UIMC1: variants seen among roughly 807,000 people sequenced by gnomAD.
UIMC1 encodes BRCA1-A complex subunit RAP80.
In UIMC1, 42 loss-of-function variants were observed where a neutral mutation model predicts 84.9. The observed-to-expected ratio is 0.49, with a 90% confidence interval of 0.39 to 0.64. The LOEUF (loss-of-function observed/expected upper bound fraction) is 0.64. Ranked by LOEUF, UIMC1 falls within the 30% of genes least tolerant of loss-of-function variation. The probability of loss-of-function intolerance (pLI) is 0.00; values close to 1 mark genes in which losing one functional copy is unlikely to be tolerated. For missense variants in UIMC1, 825 were observed against 847.6 expected (o/e 0.97, Z 0.33); for synonymous variants, 281 against 293.0 (o/e 0.96, Z 0.42).
intron 10 of UIMC1, among the ~76,000 whole-genome samples, chr5:176,923,813 G>A (rs1183601355): frequency 6.0e-5 from 9 of 150,238 alleles, no homozygotes; most frequent in African/African-American, 1.7e-4. Flanking sequence ...GCAGTGAGCC[G>A]AGATTGTGCC....
chr5:176,919,360 TGA>T (rs1761421629), intron 10 of UIMC1: 1 of 166,734 alleles, frequency 6.0e-6, no homozygotes, highest in African/African-American at 2.4e-5. Context: ...TTCACTTTCT[TGA>T]TAGTGTCCTT....
chr5:176,938,108 T>A (rs975697681), intron 10 of UIMC1, among the ~76,000 whole-genome samples: 1 of 150,500 alleles, frequency 6.6e-6, no homozygotes, highest in African/African-American at 2.5e-5. Flanking sequence ...AAGGATCACT[T>A]GAGCCTGGGA....
chr5:176,980,374 CCATGT>C (rs1770839129), intron 2 of UIMC1: 1 of 152,120 alleles, frequency 6.6e-6, no homozygotes, highest in African/African-American at 2.4e-5. Context: ...CCTATTGGTT[CCATGT>C]CTCTGGAGGA....
chr5:177,014,595 G>A (rs1313671783), intron 1 of UIMC1, among the ~76,000 whole-genome samples: 3 of 152,134 alleles, frequency 2.0e-5, no homozygotes, highest in Non-Finnish European at 2.9e-5. Flanking sequence ...ATATTGGAAG[G>A]CTGAGGCAGG....
chr5:176,923,158 T>C (rs1382025505), intron 10 of UIMC1, among the ~76,000 whole-genome samples: 1 of 152,236 alleles, frequency 6.6e-6, no homozygotes, highest in African/African-American at 2.4e-5. Flanking sequence ...ATGTTTGAGT[T>C]AGAAGCTATG....
chr5:176,938,189 C>CAAAA (rs1170386962), intron 10 of UIMC1, among the ~76,000 whole-genome samples: 1 of 56,340 alleles, frequency 1.8e-5, no homozygotes, highest in African/African-American at 7.9e-5. Flanking sequence ...GACCCTGTCT[C>CAAAA]AAAAAAAAAA....
At chr5:176,922,957 A>G (rs1483192098) in intron 10 of UIMC1, among the ~76,000 whole-genome samples, 1 of 152,208 alleles carries the variant, frequency 6.6e-6, no homozygotes, top group Non-Finnish European at 1.5e-5. Flanking sequence ...TTTTTGCAGC[A>G]AAGAAGGCAG....
chr5:176,939,953 G>A (rs180837481), intron 10 of UIMC1, among the ~76,000 whole-genome samples: 58 of 152,226 alleles, frequency 3.8e-4, no homozygotes, highest in Admixed American at 1.8e-3. Flanking sequence ...GAAAGTCTGC[G>A]ATATCCAGAG....
intron 11 of UIMC1, among the ~76,000 whole-genome samples, chr5:176,910,067 TA>T (rs1310156777): frequency 3.9e-5 from 6 of 152,226 alleles, no homozygotes; most frequent in African/African-American, 1.4e-4. Flanking sequence ...GCTGGGGATA[TA>T]AACATGAACT....
At chr5:177,011,409 A>G (rs1294370479), upstream of UIMC1, among the ~76,000 whole-genome samples, 2 of 151,760 alleles carry the variant, frequency 1.3e-5, no homozygotes, top group African/African-American at 2.4e-5. Context: ...TAGTGAGACT[A>G]CATCTCTATA....
chr5:176,991,630 CAAAAAAAA>C (rs57753076), intron 1 of UIMC1, among the ~76,000 whole-genome samples: 2 of 78,848 alleles, frequency 2.5e-5, no homozygotes, highest in South Asian at 4.2e-4. Flanking sequence ...AACTCCGTCT[CAAAAAAAA>C]AAAAAAAAAA....
In UIMC1 at chr5:176,970,748, G is replaced by A; in HGVS notation, c.351C>T (p.Ser117=). The A allele has an allele frequency of 6.2e-7, 1 of 1,614,012 alleles. No individual in the cohort carries two copies. The highest frequency in any genetic ancestry group is 8.5e-7 in the Non-Finnish European group (1 of 1,180,024). ...TGCAACATGGCATATTTACATTCAG[G>A]CTTTCAGCAATGGCTTTCCTCAAGA... ...EELLRKAIAE[S]LNSCRPSDAS... Residue 117 remains serine, a synonymous_variant, in exon 4 of 15, where the codon AGC becomes AGT. Coordinates refer to ENST00000511320, the MANE Select transcript of UIMC1 (RefSeq NM_001199298.2).
At chr5:176,959,940 A>G (rs1482383980) in intron 6 of UIMC1, among the ~76,000 whole-genome samples, 2 of 152,114 alleles carry the variant, frequency 1.3e-5, no homozygotes, top group Non-Finnish European at 2.9e-5. Context: ...CTGAGACAGG[A>G]GAATCGCTTG....
At chr5:176,906,121 C>T (rs1173457393) in intron 13 of UIMC1, 74 bp from the exon 14 acceptor site, 2 of 1,460,544 alleles carry the variant, frequency 1.4e-6, no homozygotes, top group Non-Finnish European at 1.9e-6. Flanking sequence ...TGATCTTTTG[C>T]TTCCGTGCTC....
intron 1 of UIMC1, among the ~76,000 whole-genome samples, chr5:176,987,055 A>G (rs1390233706): frequency 6.6e-6 from 1 of 151,856 alleles, no homozygotes; most frequent in Non-Finnish European, 1.5e-5. Context: ...CCCTGTCTCC[A>G]CTAAAAATAC....
chr5:176,941,167 T>TGTAG, intron 10 of UIMC1, among the ~76,000 whole-genome samples: 2 of 152,330 alleles, frequency 1.3e-5, no homozygotes, highest in Middle Eastern at 6.8e-3. Context: ...CCAAATATTA[T>TGTAG]GTAGGCATTA....
chr5:177,006,875 G>C (rs947869655), upstream of UIMC1: 2 of 152,240 alleles, frequency 1.3e-5, no homozygotes, highest in Non-Finnish European at 2.9e-5. Flanking sequence ...CCCGTGAGCC[G>C]GCTCGCACCT....
Position 177,014,057 on chromosome 5 carries a change from C to CTT in UIMC1, c.-9+8405_-9+8406dup, listed in dbSNP as rs34686520. On this transcript the variant is annotated intron_variant, in intron 1 of 5. Coordinates refer to the UIMC1 transcript ENST00000509236. ...CTCAGTGAGCCACTTTTTTTCTTTT[C>CTT]TTTTTTTTTTTTTTTTTTTTGAGAC... Among the ~76,000 whole-genome samples the CTT allele has an allele frequency of 3.2e-3, 394 of 122,106 alleles. 3 individuals are homozygous for CTT. The highest frequency in any genetic ancestry group is 8.3e-3 in the Middle Eastern group (2 of 242). 80.1% of individuals were successfully genotyped at this position (122,106 alleles called of 152,430 possible). A position where few individuals can be genotyped will look rare whatever the true frequency, so the allele number is the denominator to read the frequency against.
intron 6 of UIMC1, among the ~76,000 whole-genome samples, chr5:176,958,435 CAG>C (rs999583288): frequency 9.2e-5 from 14 of 152,198 alleles, no homozygotes; most frequent in Admixed American, 5.9e-4. Context: ...AATTGCCTCA[CAG>C]AGTGTTGTGA....
Sources: gnomAD v4.1 joint callset for allele counts (sites outside exome capture counted in the v4.1 genomes callset) on GRCh38, gnomAD v4.1.1 for gene constraint, MANE v1.5 for transcripts, NCBI Gene and HGNC (gene_info 2026-07-23, HGNC 2026-07-21) for gene names.